MTR: variants seen among roughly 807,000 people sequenced by gnomAD.
MTR encodes 5-methyltetrahydrofolate-homocysteine methyltransferase.
In MTR, 84 loss-of-function variants were observed where a neutral mutation model predicts 154.8. The ratio of observed to expected loss-of-function variants is 0.54; its 90% CI spans 0.45 to 0.65. The LOEUF is 0.65. Ranked by LOEUF, MTR falls within the 30% of genes least tolerant of loss-of-function variation. The pLI is 0.00. For missense variants in MTR, 1,275 were observed against 1,570.2 expected, an observed-to-expected ratio of 0.81 and a Z score of 3.18; for synonymous variants, 554 against 553.9, an observed-to-expected ratio of 1.00 and a Z score of 0.00.
chr1:236,806,357 G>T, intron 3 of MTR, 124 bp downstream of exon 3: 1 of 790,198 alleles, frequency 1.3e-6, no homozygotes, highest in East Asian at 2.6e-5. Flanking sequence ...TGTTGTTTAT[G>T]ATGAGACAGG....
At chr1:236,871,691 C>A (rs991294281) in intron 22 of MTR, among the ~76,000 whole-genome samples, 2 of 152,156 alleles carry the variant, frequency 1.3e-5, no homozygotes, top group Admixed American at 6.5e-5. Context: ...GGTACCATCT[C>A]ACTCCTGCTA....
intron 18 of MTR, among the ~76,000 whole-genome samples, chr1:236,858,182 G>A (rs1664310532): frequency 6.6e-6 from 1 of 152,158 alleles, no homozygotes; most frequent in Admixed American, 6.5e-5. Flanking sequence ...AGAAAAGGAG[G>A]TTTAATGGAC....
intron 5 of MTR, among the ~76,000 whole-genome samples, 158 bp downstream of exon 5, chr1:236,810,753 A>G (rs1661255490): frequency 6.6e-6 from 1 of 152,238 alleles, no homozygotes; most frequent in East Asian, 1.9e-4. Flanking sequence ...GGAATATAGT[A>G]GACATCTAAA....
chr1:236,838,858 AC>A (rs1186570933), intron 15 of MTR, among the ~76,000 whole-genome samples: 9 of 152,194 alleles, frequency 5.9e-5, no homozygotes, highest in Admixed American at 5.9e-4. Flanking sequence ...ATTTACACCA[AC>A]CTAGATGGGA....
chr1:236,841,618 A>G (rs1335530079), intron 15 of MTR, among the ~76,000 whole-genome samples: 1 of 150,232 alleles, frequency 6.7e-6, no homozygotes, highest in African/African-American at 2.5e-5. Context: ...AGGTTTTTAG[A>G]ACTCATAATT....
chr1:236,805,740 C>T (rs145759091), intron 2 of MTR, among the ~76,000 whole-genome samples: 229 of 152,208 alleles, frequency 1.5e-3, no homozygotes, highest in African/African-American at 5.3e-3. Flanking sequence ...TCAAGCAGTC[C>T]TCTCACCTTG....
At chr1:236,828,597 T>C (rs931464013) in intron 11 of MTR, among the ~76,000 whole-genome samples, 1 of 152,184 alleles carries the variant, frequency 6.6e-6, no homozygotes, top group South Asian at 2.1e-4. Flanking sequence ...AAACTGATAA[T>C]GTTAAAGGGA....
chr1:236,843,900 A>C (rs141080129), intron 15 of MTR, among the ~76,000 whole-genome samples: 1 of 152,326 alleles, frequency 6.6e-6, no homozygotes, highest in Non-Finnish European at 1.5e-5. Context: ...TCGAGTGTGC[A>C]GTTGTGCAAA....
At position 236,829,248 on chromosome 1, in the gene MTR, A is replaced by G; in HGVS notation, c.1055A>G (p.Glu352Gly). Residue 352 changes from glutamate (E) to glycine (G), a missense_variant, in exon 12 of 33, where the codon GAA (glutamate) becomes GGA (glycine). Glu to Gly is a moderately conservative substitution (Grantham distance 98). Transcript: ENST00000366577. ...KPRVPPATAF[E>G]GHMLLSGLEP... ...AGAGTTCCACCTGCCACTGCTTTTG[A>G]AGGACATATGTTACTGTCTGGTGAG... The G allele has an allele frequency of 6.2e-7, 1 of 1,614,014 alleles. No homozygotes were observed. The highest frequency in any genetic ancestry group is 8.5e-7 in the Non-Finnish European group (1 of 1,179,886).
intron 7 of MTR, among the ~76,000 whole-genome samples, chr1:236,815,893 A>G (rs1412507124): frequency 6.6e-6 from 1 of 152,190 alleles, no homozygotes; most frequent in African/African-American, 2.4e-5. Context: ...AAACTGTTCA[A>G]AAGAAGCCCA....
intron 29 of MTR, among the ~76,000 whole-genome samples, chr1:236,891,848 TTG>T (rs1371698696): frequency 6.6e-6 from 1 of 152,074 alleles, no homozygotes; most frequent in Admixed American, 6.5e-5. Context: ...CAGTTTAAGT[TTG>T]TGTTTTACAG....
At position 236,902,569 on chromosome 1, in the gene MTR, C is replaced by T. The variant is rs1454022363; in HGVS notation, c.*4925C>T. 6.6e-6 allele frequency: 1 copy of T among 151,984 alleles called. No individual in the cohort carries two copies. Among genetic ancestry groups the T allele is most frequent in the East Asian group, 1.9e-4 (1 of 5,194 alleles). 9.4% of individuals were successfully genotyped at this position (151,984 alleles called of 1,614,324 possible). ...GTTGGATGGAGAGCAGACTGTAAAG[C>T]CTCATGAGGGCAGGGGCCCTGCCTC... On this transcript the variant is annotated 3_prime_UTR_variant, in exon 33 of 33. Transcript: ENST00000366577.
chr1:236,824,524 A>C (rs896805758), intron 9 of MTR, among the ~76,000 whole-genome samples: 1 of 152,246 alleles, frequency 6.6e-6, no homozygotes, highest in African/African-American at 2.4e-5. Context: ...TGTAAGGAAG[A>C]GAAGAGAGAC....
chr1:236,868,517 AG>A (rs1664945926), intron 22 of MTR, among the ~76,000 whole-genome samples: 2 of 152,336 alleles, frequency 1.3e-5, no homozygotes, highest in South Asian at 4.1e-4. Flanking sequence ...GAAATAATGT[AG>A]AATATTTGGA....
chr1:236,852,062 G>A (rs1663933192), intron 16 of MTR, among the ~76,000 whole-genome samples: 1 of 152,188 alleles, frequency 6.6e-6, no homozygotes, highest in Non-Finnish European at 1.5e-5. Context: ...GCCAATAATA[G>A]TGAAAGTTCC....
chr1:236,834,625 G>A (rs1431998349), intron 13 of MTR, among the ~76,000 whole-genome samples: 1 of 149,730 alleles, frequency 6.7e-6, no homozygotes, highest in Non-Finnish European at 1.5e-5. Flanking sequence ...TTTTTCCTTG[G>A]GCTAAAAAAA....
chr1:236,851,956 C>T (rs978881454), intron 16 of MTR, among the ~76,000 whole-genome samples: 1 of 152,104 alleles, frequency 6.6e-6, no homozygotes, highest in Non-Finnish European at 1.5e-5. Context: ...ATATATGTAT[C>T]TTAGACATGC....
chr1:236,818,769 C>T (rs899086636), intron 8 of MTR, among the ~76,000 whole-genome samples: 3 of 152,172 alleles, frequency 2.0e-5, no homozygotes, highest in Non-Finnish European at 2.9e-5. Flanking sequence ...CTTTATATTA[C>T]TGGTAATTCA....
In MTR at chr1:236,861,244, T is replaced by C. The variant is rs776665685; in HGVS notation, c.2163T>C (p.Asp721=). 3.1e-6 allele frequency: 5 copies of C among 1,613,964 alleles called. No individual in the cohort carries two copies. Among genetic ancestry groups the C allele is most frequent in the Non-Finnish European group, 4.2e-6 (5 of 1,179,942 alleles). Residue 721 remains aspartate, a synonymous_variant, in exon 20 of 33, where the codon GAT becomes GAC. Coordinates refer to ENST00000366577, the MANE Select transcript of MTR (RefSeq NM_000254.3). ...TGAATGGAATGAAAATTGTTGGTGA[T>C]CTTTTTGGAGCTGGAAAAATGTTTC... ...PLMNGMKIVG[D]LFGAGKMFLP...
Sources: gnomAD v4.1 joint callset for allele counts (sites outside exome capture counted in the v4.1 genomes callset) on GRCh38, gnomAD v4.1.1 for gene constraint, MANE v1.5 for transcripts, NCBI Gene and HGNC (gene_info 2026-07-23, HGNC 2026-07-21) for gene names.